NFATC2: variants seen among roughly 807,000 people sequenced by gnomAD.
NFATC2 encodes the protein nuclear factor of activated T cells 2, also known as nuclear factor of activated T-cells, cytoplasmic 2.
In NFATC2, 22 loss-of-function variants were observed where a neutral mutation model predicts 87.3. The observed-to-expected ratio is 0.25, with a 90% CI of 0.18 to 0.36. NFATC2 has a LOEUF of 0.36. Among genes scored for constraint, NFATC2 ranks in the 10% least tolerant of loss-of-function variants. The pLI is 1.00. For missense variants in NFATC2, 1,149 were observed against 1,259.1 expected (o/e 0.91, Z 1.32); for synonymous variants, 565 against 542.2 (o/e 1.04, Z -0.58).
intron 6 of NFATC2, among the ~76,000 whole-genome samples, chr20:51,440,236 C>CAATAAAAAA (rs1984143350): frequency 1.0e-5 from 1 of 97,228 alleles, no homozygotes; most frequent in East Asian, 3.1e-4. Context: ...AACTCCATCT[C>CAATAAAAAA]AAAAAAAAAA....
intron 3 of NFATC2, among the ~76,000 whole-genome samples, chr20:51,484,173 G>T (rs574155249): frequency 6.6e-6 from 1 of 151,812 alleles, no homozygotes; most frequent in South Asian, 2.1e-4. Flanking sequence ...CACCAGGCAG[G>T]TGCCCGTCCC....
At chr20:51,452,909 G>A (rs1485410313) in intron 6 of NFATC2, 1 of 154,758 alleles carries the variant, frequency 6.5e-6, no homozygotes, top group Non-Finnish European at 1.5e-5. Flanking sequence ...TTCCGCAGGT[G>A]ACACTGCCAG....
At chr20:51,422,472 C>T (rs1205604547) in intron 9 of NFATC2, among the ~76,000 whole-genome samples, 1 of 152,058 alleles carries the variant, frequency 6.6e-6, no homozygotes, top group Non-Finnish European at 1.5e-5. Context: ...ACAACTTGAC[C>T]AGATCCCTGG....
intron 6 of NFATC2, among the ~76,000 whole-genome samples, chr20:51,443,591 A>G (rs746758136): frequency 7.2e-5 from 11 of 152,186 alleles, no homozygotes; most frequent in Admixed American, 6.5e-4. Context: ...AACACAGCCC[A>G]GACAGCATTC....
In NFATC2 at chr20:51,561,476, AAAGAAAGAAAGCAAGCAAGCAAGCAAGC is replaced by A. The variant is rs1263398549; in HGVS notation, c.70+1056_70+1083del. Among the ~76,000 whole-genome samples the A allele has an allele frequency of 2.7e-3, 352 of 131,990 alleles. 1 individual carries two copies. Among genetic ancestry groups the A allele is most frequent in the African/African-American group, 9.0e-3 (299 of 33,288 alleles). 86.6% of individuals were successfully genotyped at this position (131,990 alleles called of 152,430 possible). ...GAAAGAAAGAAAGAAAGAAAGAAAG[AAAGAAAGAAAGCAAGCAAGCAAGCAAGC>A]AAGCAAGCAAGCAAGCAAGCAAGCA... On this transcript the variant is annotated intron_variant, in intron 1 of 10. Coordinates refer to the NFATC2 transcript ENST00000414705.
intron 3 of NFATC2, among the ~76,000 whole-genome samples, chr20:51,512,095 C>T (rs1005175068): frequency 3.9e-5 from 6 of 152,136 alleles, no homozygotes; most frequent in Admixed American, 6.5e-5. Context: ...ACAGAGAGCA[C>T]GGAGGAGGAG....
intron 9 of NFATC2, among the ~76,000 whole-genome samples, chr20:51,409,820 A>G (rs1341439106): frequency 6.6e-6 from 1 of 152,234 alleles, no homozygotes; most frequent in Non-Finnish European, 1.5e-5. Context: ...AGAACAGATG[A>G]ATGTGGGGTA....
chr20:51,493,963 AAC>A (rs1160094869), intron 3 of NFATC2, among the ~76,000 whole-genome samples: 1 of 152,160 alleles, frequency 6.6e-6, no homozygotes, highest in East Asian at 1.9e-4. Context: ...AGGGGAAAAT[AAC>A]AGATGCCCAT....
intron 9 of NFATC2, 90 bp downstream of exon 9, chr20:51,431,977 C>A: frequency 7.4e-7 from 1 of 1,342,396 alleles, no homozygotes. Flanking sequence ...AAAGAGATTA[C>A]GGAATCCGTA....
intron 9 of NFATC2, among the ~76,000 whole-genome samples, chr20:51,407,695 A>G (rs566924787): frequency 3.9e-5 from 6 of 152,336 alleles, no homozygotes; most frequent in Admixed American, 1.3e-4. Context: ...AGAGGCCCAC[A>G]GCCCCTAGGG....
intron 1 of NFATC2, among the ~76,000 whole-genome samples, chr20:51,556,966 C>T (rs553709379): frequency 6.6e-5 from 10 of 152,206 alleles, no homozygotes; most frequent in South Asian, 2.1e-4. Context: ...CTCCAGACTT[C>T]GTGGCGGGCT....
In NFATC2 at chr20:51,467,195, A is replaced by G. The variant is rs1449877701; in HGVS notation, c.1708+6785T>C. 2.0e-5 allele frequency among the ~76,000 whole-genome samples: 3 copies of G among 152,206 alleles called. No homozygotes were observed. In the East Asian group the frequency reaches 5.8e-4, roughly 29 times the overall value. On this transcript the variant is annotated intron_variant, in intron 5 of 10. Transcript: ENST00000371564. Reference sequence around the variant, plus strand: ...TCCAGAATATATAAAGAACTGATGCATATTAACAATAAAAATATGAATAAC... The same window carrying G: ...TCCAGAATATATAAAGAACTGATGCGTATTAACAATAAAAATATGAATAAC...
chr20:51,418,124 G>A (rs138519435), intron 9 of NFATC2, among the ~76,000 whole-genome samples: 1 of 152,344 alleles, frequency 6.6e-6, no homozygotes, highest in African/African-American at 2.4e-5. Context: ...GCCATGGGGA[G>A]ACACTAGTTC....
At position 51,388,937 on chromosome 20, in the gene NFATC2, A is replaced by G. The variant is rs1340798666; in HGVS notation, c.*2559T>C. The G allele has an allele frequency of 6.6e-6, 1 of 152,200 alleles. No individual in the cohort carries two copies. Among genetic ancestry groups the G allele is most frequent in the East Asian group, 1.9e-4 (1 of 5,200 alleles). The allele number at this position is 152,200 out of a possible 1,614,324, so 9.4% of individuals were successfully genotyped here. A position where few individuals can be genotyped will look rare whatever the true frequency, so the allele number is the denominator to read the frequency against. On this transcript the variant is annotated 3_prime_UTR_variant, in exon 11 of 11. Coordinates refer to ENST00000371564, the MANE Select transcript of NFATC2 (RefSeq NM_012340.5). ...CCGTACTGGAAATATTTCATGAGCC[A>G]TCCTTCTTGGCAAAATTTCCTCCTA...
At chr20:51,444,487 T>C (rs1363532476) in intron 6 of NFATC2, among the ~76,000 whole-genome samples, 3 of 151,944 alleles carry the variant, frequency 2.0e-5, no homozygotes, top group East Asian at 3.9e-4. Flanking sequence ...GGGTTGGCCG[T>C]GGGTTGGGGC....
chr20:51,482,503 A>G (rs935438133), intron 3 of NFATC2, among the ~76,000 whole-genome samples: 6 of 152,212 alleles, frequency 3.9e-5, no homozygotes, highest in Non-Finnish European at 5.9e-5. Context: ...CTTTCATTCC[A>G]AACTGTTTTA....
intron 10 of NFATC2, among the ~76,000 whole-genome samples, chr20:51,397,032 A>AGTAGCGTAGCTGGGATTAC (rs768016779): frequency 1.0e-4 from 4 of 38,580 alleles, no homozygotes; most frequent in Admixed American, 2.2e-4. Flanking sequence ...CAACCTCCTA[A>AGTAGCGTAGCTGGGATTAC]GGGAACCTGC....
In NFATC2 at chr20:51,523,533, C is replaced by A; in HGVS notation, c.708G>T (p.Ser236=). 1 of 1,613,536 alleles carries A rather than the reference C, an allele frequency of 6.2e-7. No homozygotes were observed. Among genetic ancestry groups the A allele is most frequent in the African/African-American group, 1.3e-5 (1 of 74,974 alleles). The part of the protein sequence containing the change: ...LAEDSCLGRH[S]PVPRPASRSS... ...AGCGGGAGGCCGGACGGGGCACGGGCGAGTGGCGGCCCAGGCAGCTGTCCT... is the reference window on the plus strand; with the variant it reads ...AGCGGGAGGCCGGACGGGGCACGGGAGAGTGGCGGCCCAGGCAGCTGTCCT... Residue 236 remains serine, a synonymous_variant, in exon 2 of 11, where the codon TCG becomes TCT. Transcript: ENST00000371564. The surrounding 1 kb of genome is among the most constrained non-coding windows in gnomAD (Gnocchi z 6.9).
intron 9 of NFATC2, among the ~76,000 whole-genome samples, chr20:51,409,513 G>C (rs1410113478): frequency 2.0e-5 from 3 of 152,246 alleles, no homozygotes; most frequent in African/African-American, 7.2e-5. Flanking sequence ...TGTGAATGAA[G>C]AGGATGTGTT....
Sources: gnomAD v4.1 joint callset for allele counts (sites outside exome capture counted in the v4.1 genomes callset) on GRCh38, gnomAD v4.1.1 for gene constraint, Gnocchi (gnomAD v3.1) non-coding constraint, MANE v1.5 for transcripts, NCBI Gene and HGNC (gene_info 2026-07-23, HGNC 2026-07-21) for gene names.